PBX4: variants seen among roughly 807,000 people sequenced by gnomAD.
The protein encoded by PBX4 is pre-B-cell leukemia transcription factor 4.
Under a neutral mutation model 35.1 loss-of-function variants are expected in PBX4, and 26 were observed. That is an observed-to-expected ratio of 0.74 (90% CI 0.54 to 1.03). PBX4 has a LOEUF of 1.03. Among genes scored for constraint, PBX4 ranks in the 50% least tolerant of loss-of-function variants. The probability of loss-of-function intolerance (pLI) is 0.00; values close to 1 mark genes in which losing one functional copy is unlikely to be tolerated. For missense variants in PBX4, 448 were observed against 504.3 expected (o/e 0.89, Z 1.07); for synonymous variants, 199 against 204.2 (o/e 0.97, Z 0.22).
chr19:19,596,964 C>T (rs1444729401), intron 2 of PBX4, among the ~76,000 whole-genome samples: 1 of 149,446 alleles, frequency 6.7e-6, no homozygotes, highest in Non-Finnish European at 1.5e-5. Context: ...AATCCCAGCA[C>T]TTTGGGAGGC....
intron 2 of PBX4, among the ~76,000 whole-genome samples, chr19:19,582,389 C>A (rs2061460637): frequency 6.6e-6 from 1 of 152,174 alleles, no homozygotes; most frequent in Non-Finnish European, 1.5e-5. Flanking sequence ...CACACACAAG[C>A]AGCTGGAAGT....
At chr19:19,592,052 G>A (rs1423068062) in intron 2 of PBX4, among the ~76,000 whole-genome samples, 1 of 151,916 alleles carries the variant, frequency 6.6e-6, no homozygotes, top group African/African-American at 2.4e-5. Flanking sequence ...GTAGAGATGG[G>A]TGGGTGAGGG....
intron 2 of PBX4, among the ~76,000 whole-genome samples, chr19:19,593,964 A>G (rs1032588874): frequency 4.0e-5 from 6 of 151,346 alleles, no homozygotes; most frequent in Non-Finnish European, 8.8e-5. Context: ...CATCCCCCCA[A>G]AAATAGTCCT....
chr19:19,584,807 G>C (rs768940293), intron 2 of PBX4, among the ~76,000 whole-genome samples: 18 of 151,786 alleles, frequency 1.2e-4, no homozygotes, highest in Non-Finnish European at 1.9e-4. Flanking sequence ...TGTATTTTTA[G>C]TAGAGATGGG....
At chr19:19,574,283 T>C (rs2061405788) in intron 2 of PBX4, among the ~76,000 whole-genome samples, 1 of 152,226 alleles carries the variant, frequency 6.6e-6, no homozygotes, top group African/African-American at 2.4e-5. Flanking sequence ...TGGGTATTCC[T>C]CAAACTGCTT....
intron 1 of PBX4, among the ~76,000 whole-genome samples, chr19:19,606,140 C>A (rs1371465222): frequency 1.3e-5 from 2 of 152,150 alleles, no homozygotes; most frequent in African/African-American, 4.8e-5. Context: ...TTATATAATC[C>A]TTTTTCCTTG....
At chr19:19,614,342 A>G (rs1265549942) in intron 1 of PBX4, among the ~76,000 whole-genome samples, 1 of 151,444 alleles carries the variant, frequency 6.6e-6, no homozygotes, top group Non-Finnish European at 1.5e-5. Flanking sequence ...AAAAACAAAC[A>G]AACAAACATG....
At chr19:19,596,324 G>A (rs577865861) in intron 2 of PBX4, among the ~76,000 whole-genome samples, 30 of 151,850 alleles carry the variant, frequency 2.0e-4, no homozygotes, top group Non-Finnish European at 3.2e-4. Flanking sequence ...GGGAGGCTGA[G>A]ATTGCACCAC....
intron 2 of PBX4, among the ~76,000 whole-genome samples, chr19:19,588,951 C>T (rs573864906): frequency 3.3e-5 from 5 of 152,242 alleles, no homozygotes; most frequent in Admixed American, 2.0e-4. Context: ...GCCTGGGCAA[C>T]ACAGCAAGAT....
rs1957051496 is a variant in PBX4, at chr19:19,562,355, T to C, written c.1033-238A>G. Among the ~76,000 whole-genome samples, 1 of 152,162 alleles carries C rather than the reference T, an allele frequency of 6.6e-6. No homozygotes were observed. Among genetic ancestry groups the C allele is most frequent in the African/African-American group, 2.4e-5 (1 of 41,438 alleles). On this transcript the variant is annotated intron_variant, in intron 7 of 7. Transcript: ENST00000251203. This position sits in a 1 kb window ranked among gnomAD's most constrained non-coding sequence, Gnocchi z 4.8. ...CCCCGGCAGGAAAACTGGCCTCTAG[T>C]GGCTTCCCTGGGGCTTAGGCAAAGG...
intron 2 of PBX4, 115 bp from the exon 3 acceptor site, chr19:19,570,948 A>G: frequency 1.5e-6 from 2 of 1,348,790 alleles, no homozygotes; most frequent in South Asian, 1.4e-5. Context: ...ACCCTTCGGG[A>G]GAAAGGAATA....
chr19:19,611,730 A>G (rs1260610728), intron 1 of PBX4, among the ~76,000 whole-genome samples: 1 of 151,912 alleles, frequency 6.6e-6, no homozygotes, highest in African/African-American at 2.4e-5. Context: ...TTTTCTTCCT[A>G]AGAAAACCTA....
chr19:19,604,050 TATG>T (rs1366723977), intron 1 of PBX4, among the ~76,000 whole-genome samples: 1 of 152,142 alleles, frequency 6.6e-6, no homozygotes, highest in African/African-American at 2.4e-5. Flanking sequence ...CATTTACTAT[TATG>T]ATGATTTTAA....
In PBX4 at chr19:19,562,093, TG is replaced by T. The variant is rs1302550442; in HGVS notation, c.1056del (p.Thr353ProfsTer27). Reference sequence around the variant, plus strand: ...GGTGAGGCAGTTGCAGGTTGGGGGGTGGCCCCCTGCCAGCTACCCTGGGCCT... The same window carrying T: ...GGTGAGGCAGTTGCAGGTTGGGGGGTGCCCCCTGCCAGCTACCCTGGGCCT... ...QSQAQGSWQG[A>X]TPQPATASPA... On this transcript the variant is annotated frameshift_variant, in exon 8 of 8. Coordinates refer to ENST00000251203, the MANE Select transcript of PBX4 (RefSeq NM_025245.3). LOFTEE classifies it low-confidence loss of function (END_TRUNC). The surrounding 1 kb of genome is among the most constrained non-coding windows in gnomAD (Gnocchi z 4.8). 1.2e-6 allele frequency: 2 copies of T among 1,611,414 alleles called. No homozygotes were observed. Among genetic ancestry groups the T allele is most frequent in the East Asian group, 4.5e-5 (2 of 44,682 alleles).
chr19:19,568,969 G>A (rs1472999642), intron 5 of PBX4, among the ~76,000 whole-genome samples: 1 of 152,238 alleles, frequency 6.6e-6, no homozygotes, highest in African/African-American at 2.4e-5. Context: ...GATGAACGGG[G>A]AGAGCGCTGG....
chr19:19,581,836 T>A (rs2061456164), intron 2 of PBX4, among the ~76,000 whole-genome samples: 1 of 152,094 alleles, frequency 6.6e-6, no homozygotes, highest in Admixed American at 6.5e-5. Context: ...AAGGAAGGTG[T>A]TCCTGCCACG....
At chr19:19,569,935 A>G (rs990377854) in intron 4 of PBX4, among the ~76,000 whole-genome samples, 174 bp downstream of exon 4, 2 of 152,168 alleles carry the variant, frequency 1.3e-5, no homozygotes, top group African/African-American at 4.8e-5. Context: ...TAAATACAAA[A>G]TAAAATAAAA....
intron 1 of PBX4, among the ~76,000 whole-genome samples, chr19:19,613,249 T>C (rs925136518): frequency 2.6e-5 from 4 of 151,418 alleles, no homozygotes; most frequent in Middle Eastern, 3.2e-3. Flanking sequence ...GAGGATCACC[T>C]GAGGTCAGGA....
intron 1 of PBX4, among the ~76,000 whole-genome samples, chr19:19,615,759 G>A (rs906466153): frequency 2.0e-5 from 3 of 152,046 alleles, no homozygotes; most frequent in Non-Finnish European, 2.9e-5. Context: ...CGCATGGGGC[G>A]TATGCCTGTA....
Sources: allele counts gnomAD v4.1 joint callset (sites outside exome capture counted in the v4.1 genomes callset), GRCh38; gene constraint gnomAD v4.1.1; non-coding constraint Gnocchi (gnomAD v3.1); transcripts MANE v1.5; gene names NCBI Gene and HGNC (gene_info 2026-07-23, HGNC 2026-07-21).